Variants in FRYL observed in about 807,000 individuals in gnomAD.
FRYL encodes the protein FRY like transcription coactivator, also known as protein furry homolog-like.
Under a neutral mutation model 351.2 loss-of-function variants are expected in FRYL, and 150 were observed. The ratio of observed to expected loss-of-function variants is 0.43; its 90% CI spans 0.37 to 0.49. The LOEUF (loss-of-function observed/expected upper bound fraction) is 0.49. FRYL is among the 20% of genes least tolerant of loss of function. The probability of loss-of-function intolerance (pLI) is 0.00; values close to 1 mark genes in which losing one functional copy is unlikely to be tolerated. For synonymous variants in FRYL, 1,153 were observed against 1,257.1 expected (o/e 0.92, Z 1.75); for missense variants, 3,036 against 3,619.3 (o/e 0.84, Z 4.13).
chr4:48,605,866 C>G, intron 10 of FRYL, 33 bp from the exon 11 acceptor site: 1 of 1,238,944 alleles, frequency 8.1e-7, no homozygotes. Flanking sequence ...CTTAGATTAA[C>G]AAAAGAGGAA....
intron 1 of FRYL, among the ~76,000 whole-genome samples, chr4:48,720,716 T>C (rs1769372772): frequency 6.6e-6 from 1 of 152,182 alleles, no homozygotes; most frequent in Non-Finnish European, 1.5e-5. Context: ...CTACTCTAGG[T>C]ACCTTATGTA....
At chr4:48,609,631 A>AG in intron 8 of FRYL, 113 bp downstream of exon 8, 1 of 532,212 alleles carries the variant, frequency 1.9e-6, no homozygotes, top group Non-Finnish European at 3.3e-6. Flanking sequence ...AGAAAAAAAA[A>AG]AAGGAAGATA....
intron 2 of FRYL, among the ~76,000 whole-genome samples, chr4:48,685,861 C>T (rs926641167): frequency 6.6e-6 from 1 of 152,030 alleles, no homozygotes; most frequent in South Asian, 2.1e-4. Context: ...TCAAGCGATT[C>T]TCCTGCCTCA....
intron 1 of FRYL, among the ~76,000 whole-genome samples, chr4:48,755,018 A>G (rs938466415): frequency 6.6e-6 from 1 of 152,188 alleles, no homozygotes; most frequent in Non-Finnish European, 1.5e-5. Flanking sequence ...AACTGTGTAC[A>G]TTGCAGAATA....
At chr4:48,539,060 G>C (rs1368776951) in intron 47 of FRYL, among the ~76,000 whole-genome samples, 1 of 152,072 alleles carries the variant, frequency 6.6e-6, no homozygotes, top group African/African-American at 2.4e-5. Flanking sequence ...GTTAACAGAT[G>C]ATTTATAAAA....
intron 1 of FRYL, among the ~76,000 whole-genome samples, chr4:48,713,782 C>T (rs533180748): frequency 4.6e-5 from 7 of 152,262 alleles, no homozygotes; most frequent in African/African-American, 7.2e-5. Flanking sequence ...TAATAGACAT[C>T]GACAGAACTC....
At chr4:48,508,235 A>T (rs1308018930) in intron 59 of FRYL, among the ~76,000 whole-genome samples, 1 of 152,210 alleles carries the variant, frequency 6.6e-6, no homozygotes, top group African/African-American at 2.4e-5. Flanking sequence ...TGTAAGCATT[A>T]TTAGTTGTTT....
intron 1 of FRYL, among the ~76,000 whole-genome samples, chr4:48,752,868 T>C (rs1241664789): frequency 6.6e-6 from 1 of 152,114 alleles, no homozygotes; most frequent in Non-Finnish European, 1.5e-5. Flanking sequence ...TTTAGCACAA[T>C]GTGAGAAACA....
intron 54 of FRYL, 152 bp from the exon 55 acceptor site, chr4:48,521,367 T>G (rs534045787): frequency 1.7e-6 from 1 of 603,860 alleles, no homozygotes; most frequent in Non-Finnish European, 2.8e-6. Flanking sequence ...TACACCAGAA[T>G]GGGTGTTGTT....
At chr4:48,551,658 G>A in intron 36 of FRYL, 80 bp from the exon 37 acceptor site, 2 of 858,876 alleles carry the variant, frequency 2.3e-6, no homozygotes, top group South Asian at 1.7e-5. Flanking sequence ...TCAAATTATA[G>A]ATATCAAAAC....
intron 3 of FRYL, among the ~76,000 whole-genome samples, chr4:48,674,297 T>C (rs980017002): frequency 6.6e-6 from 1 of 152,162 alleles, no homozygotes; most frequent in African/African-American, 2.4e-5. Flanking sequence ...TAAGTTCCAA[T>C]TCTACTAGTA....
At position 48,515,117 on chromosome 4, in the gene FRYL, C is replaced by G; in HGVS notation, c.7848G>C (p.Glu2616Asp). Residue 2616 changes from glutamate (E) to aspartate (D), a missense_variant, in exon 56 of 64, where the codon GAG becomes GAC. Coordinates refer to ENST00000358350, the MANE Select transcript of FRYL (RefSeq NM_015030.2). ...PEPLAPESYP[E>D]SVCEEDVTLA... ...AGGTAACATCCTCTTCACAGACTGA[C>G]TCGGGGTAACTTTCAGGAGCTAGAG... is the stretch of plus-strand genomic sequence containing the variant. 6.2e-7 allele frequency: 1 copy of G among 1,613,938 alleles called. No individual in the cohort carries two copies. The highest frequency in any genetic ancestry group is 8.5e-7 in the Non-Finnish European group (1 of 1,179,858).
chr4:48,585,810 T>G (rs1741983087), intron 19 of FRYL, among the ~76,000 whole-genome samples: 1 of 152,264 alleles, frequency 6.6e-6, no homozygotes, highest in Non-Finnish European at 1.5e-5. Flanking sequence ...CATAAATACT[T>G]GTCTTTTCTT....
chr4:48,582,863 C>A, intron 19 of FRYL, 129 bp from the exon 20 acceptor site: 1 of 672,242 alleles, frequency 1.5e-6, no homozygotes, highest in Non-Finnish European at 2.6e-6. Flanking sequence ...AAGATAGCAA[C>A]CAATGATCAC....
At position 48,687,504 on chromosome 4, in the gene FRYL, G is replaced by C. The variant is rs1251147453; in HGVS notation, c.-203-2709C>G. ...GGGCAAATGAGGTCGGGGGGGGGGG[G>C]GGTGAGGGGGGAGGGGGGCGGAAAG... On this transcript the variant is annotated intron_variant, in intron 2 of 63. Coordinates refer to ENST00000358350, the MANE Select transcript of FRYL (RefSeq NM_015030.2). Among the ~76,000 whole-genome samples the C allele has an allele frequency of 7.2e-5, 7 of 97,012 alleles. No homozygotes were observed. The South Asian group carries it at 1.4e-3, about 20-fold the overall frequency. The allele number at this position is 97,012 out of a possible 152,430, so 63.6% of individuals were successfully genotyped here.
chr4:48,697,899 CT>C, intron 2 of FRYL, among the ~76,000 whole-genome samples: 1 of 152,192 alleles, frequency 6.6e-6, no homozygotes, highest in East Asian at 1.9e-4. Context: ...TCTCTGGAGA[CT>C]TTTCATTAAA....
intron 3 of FRYL, among the ~76,000 whole-genome samples, chr4:48,643,768 T>A (rs1755796761): frequency 6.6e-6 from 1 of 151,914 alleles, no homozygotes; most frequent in Non-Finnish European, 1.5e-5. Context: ...TTGGTAGAAA[T>A]AAATTTAATA....
Position 48,561,454 on chromosome 4 carries a change from T to C in FRYL, c.3865+14A>G. 6.5e-7 allele frequency: 1 copy of C among 1,528,720 alleles called. No individual in the cohort carries two copies. The highest frequency in any genetic ancestry group is 1.8e-4 in the Middle Eastern group (1 of 5,692). The allele number at this position is 1,528,720 out of a possible 1,614,324, so 94.7% of individuals were successfully genotyped here. On this transcript the variant is annotated intron_variant, in intron 33 of 63. Transcript: ENST00000358350. ...TTGACAAATAGAAACTACTAACCAG[T>C]TCATTGATCATACCTGAGAATATGG...
intron 1 of FRYL, among the ~76,000 whole-genome samples, chr4:48,716,069 C>T (rs771851036): frequency 2.0e-5 from 3 of 152,144 alleles, no homozygotes; most frequent in Admixed American, 6.5e-5. Context: ...ACTGGCTAGC[C>T]ATATGTAAAA....
Sources: gnomAD v4.1 joint callset for allele counts (sites outside exome capture counted in the v4.1 genomes callset) on GRCh38, gnomAD v4.1.1 for gene constraint, MANE v1.5 for transcripts, NCBI Gene and HGNC (gene_info 2026-07-23, HGNC 2026-07-21) for gene names.